Variants in HDAC9 observed in about 807,000 individuals in gnomAD.
HDAC9 encodes histone deacetylase 9.
In HDAC9, 41 loss-of-function variants were observed where a neutral mutation model predicts 139.4. The observed-to-expected ratio is 0.29, with a 90% confidence interval of 0.23 to 0.38. HDAC9 has a LOEUF of 0.38. Ranked by LOEUF, HDAC9 falls within the 10% of genes least tolerant of loss-of-function variation. HDAC9 has a pLI of 1.00. For missense variants in HDAC9, 1,147 were observed against 1,297.0 expected, an observed-to-expected ratio of 0.88 and a Z score of 1.78; for synonymous variants, 517 against 476.2, an observed-to-expected ratio of 1.09 and a Z score of -1.12.
chr7:18,278,563 T>C (rs1490852979), intron 2 of HDAC9, among the ~76,000 whole-genome samples: 2 of 152,194 alleles, frequency 1.3e-5, no homozygotes, highest in Non-Finnish European at 2.9e-5. Flanking sequence ...ACTTCTGTGG[T>C]CTAGGGTTTT....
chr7:18,391,507 G>T (rs1224714491), intron 1 of HDAC9, among the ~76,000 whole-genome samples: 1 of 152,130 alleles, frequency 6.6e-6, no homozygotes, highest in South Asian at 2.1e-4. Context: ...GTCACAAAGT[G>T]ACCTGTTTAC....
chr7:18,774,616 G>C (rs1790599720), intron 16 of HDAC9, among the ~76,000 whole-genome samples: 1 of 152,042 alleles, frequency 6.6e-6, no homozygotes, highest in Non-Finnish European at 1.5e-5. Context: ...AGCCTTCAGT[G>C]AGTGGTAATC....
intron 1 of HDAC9, among the ~76,000 whole-genome samples, chr7:18,296,200 A>T (rs773967908): frequency 6.6e-6 from 1 of 152,188 alleles, no homozygotes; most frequent in Non-Finnish European, 1.5e-5. Context: ...TTAAAAATAG[A>T]GGACAGTGCT....
intron 14 of HDAC9, among the ~76,000 whole-genome samples, chr7:18,752,316 C>A (rs901168934): frequency 6.6e-6 from 1 of 151,976 alleles, no homozygotes; most frequent in Non-Finnish European, 1.5e-5. Context: ...TGTTTCTGAG[C>A]CTTCTAAAGG....
intron 22 of HDAC9, among the ~76,000 whole-genome samples, chr7:18,877,872 A>G (rs904140148): frequency 3.9e-5 from 6 of 152,122 alleles, no homozygotes; most frequent in South Asian, 2.1e-4. Context: ...TTATGAAACT[A>G]CAAAACTTTT....
chr7:18,887,973 C>T (rs1356978478), intron 22 of HDAC9, among the ~76,000 whole-genome samples: 1 of 152,178 alleles, frequency 6.6e-6, no homozygotes, highest in African/African-American at 2.4e-5. Flanking sequence ...ATTTAGCCAC[C>T]TTTACCCAAT....
At chr7:18,636,135 C>T (rs529028261) in intron 8 of HDAC9, among the ~76,000 whole-genome samples, 2 of 152,128 alleles carry the variant, frequency 1.3e-5, no homozygotes, top group South Asian at 4.2e-4. Context: ...GTTTTCAGGG[C>T]CTCAGAAACT....
At chr7:18,432,365 T>G (rs1790757000) in intron 1 of HDAC9, among the ~76,000 whole-genome samples, 1 of 152,214 alleles carries the variant, frequency 6.6e-6, no homozygotes, top group Non-Finnish European at 1.5e-5. Flanking sequence ...GGACATGTAT[T>G]TTAACATATT....
At chr7:18,326,799 A>G (rs1425258345) in intron 1 of HDAC9, among the ~76,000 whole-genome samples, 1 of 151,960 alleles carries the variant, frequency 6.6e-6, no homozygotes, top group Non-Finnish European at 1.5e-5. Context: ...TACCTTTTGT[A>G]CAGGGTAGAA....
At chr7:18,991,636 CA>C (rs1215242685) in intron 25 of HDAC9, among the ~76,000 whole-genome samples, 1 of 124,766 alleles carries the variant, frequency 8.0e-6, no homozygotes, top group Admixed American at 8.3e-5. Context: ...GACTCCGTCT[CA>C]AAAGAAAAAA....
chr7:18,533,166 C>T (rs1197376021), intron 2 of HDAC9, among the ~76,000 whole-genome samples: 2 of 152,180 alleles, frequency 1.3e-5, no homozygotes, highest in African/African-American at 4.8e-5. Context: ...CTCTATTTAT[C>T]TGGTTTTGTA....
chr7:18,916,259 G>A (rs1177182136), intron 22 of HDAC9, among the ~76,000 whole-genome samples: 1 of 151,984 alleles, frequency 6.6e-6, no homozygotes, highest in Non-Finnish European at 1.5e-5. Flanking sequence ...AGTAATTAGA[G>A]TTTGACCCAC....
intron 22 of HDAC9, among the ~76,000 whole-genome samples, chr7:18,920,423 A>G (rs1399112197): frequency 1.3e-5 from 2 of 152,204 alleles, no homozygotes; most frequent in South Asian, 2.1e-4. Context: ...TAGATATACA[A>G]TCATGTCATC....
At chr7:18,089,229 T>C (rs890645736) in intron 1 of HDAC9, among the ~76,000 whole-genome samples, 1 of 152,098 alleles carries the variant, frequency 6.6e-6, no homozygotes, top group African/African-American at 2.4e-5. Context: ...TTAACCTTGA[T>C]CTTCCTGTTT....
intron 22 of HDAC9, among the ~76,000 whole-genome samples, chr7:18,911,457 A>T (rs1013126983): frequency 6.6e-6 from 1 of 151,282 alleles, no homozygotes; most frequent in Non-Finnish European, 1.5e-5. Context: ...TTTATCTTTT[A>T]TTTTTAAAAA....
chr7:18,470,698 T>G (rs998475617), intron 1 of HDAC9, among the ~76,000 whole-genome samples: 5 of 152,164 alleles, frequency 3.3e-5, no homozygotes, highest in Admixed American at 2.6e-4. Context: ...CGTGGCCATA[T>G]TCCAGTAATA....
intron 22 of HDAC9, 57 bp from the exon 23 acceptor site, chr7:18,935,752 T>C: frequency 4.0e-6 from 6 of 1,499,548 alleles, no homozygotes; most frequent in Non-Finnish European, 5.5e-6. Context: ...TGTTAGATTC[T>C]AGTGATCACT....
At chr7:18,356,377 T>G (rs1783300134) in intron 1 of HDAC9, among the ~76,000 whole-genome samples, 1 of 145,418 alleles carries the variant, frequency 6.9e-6, no homozygotes, top group African/African-American at 2.5e-5. Context: ...TTTTTTTTTT[T>G]TTTTTTTTAA....
At chr7:18,926,961 TAATC>T (rs1804286991) in intron 22 of HDAC9, among the ~76,000 whole-genome samples, 1 of 152,196 alleles carries the variant, frequency 6.6e-6, no homozygotes, top group African/African-American at 2.4e-5. Flanking sequence ...TTAATGGTAA[TAATC>T]TCCATATTTC....
Sources: allele counts gnomAD v4.1 joint callset (sites outside exome capture counted in the v4.1 genomes callset), GRCh38; gene constraint gnomAD v4.1.1; transcripts MANE v1.5; gene names NCBI Gene and HGNC (gene_info 2026-07-23, HGNC 2026-07-21).